OSBP2: variants seen among roughly 807,000 people sequenced by gnomAD.
OSBP2 encodes oxysterol-binding protein 2.
A neutral mutation model predicts 96.0 loss-of-function variants in OSBP2; 66 were observed. The observed-to-expected ratio is 0.69, with a 90% CI of 0.56 to 0.84. The LOEUF (loss-of-function observed/expected upper bound fraction) is 0.84. Among genes scored for constraint, OSBP2 ranks in the 40% least tolerant of loss-of-function variants. The pLI, the probability that OSBP2 is intolerant of heterozygous loss-of-function variation, is 0.00. For missense variants in OSBP2, 1,038 were observed against 1,222.7 expected (o/e 0.85, Z 2.25); for synonymous variants, 525 against 520.9 (o/e 1.01, Z -0.11).
chr22:30,749,153 A>G (rs952336767), intron 2 of OSBP2, among the ~76,000 whole-genome samples: 6 of 152,030 alleles, frequency 3.9e-5, no homozygotes, highest in Admixed American at 1.3e-4. Flanking sequence ...TGTATTTATT[A>G]CAAAGGCTGG....
chr22:30,730,808 A>ATATATATATATATATAT (rs1491303061), intron 1 of OSBP2, among the ~76,000 whole-genome samples: 3 of 39,332 alleles, frequency 7.6e-5, no homozygotes, highest in Non-Finnish European at 8.7e-5. Flanking sequence ...ATATATATAT[A>ATATATATATATATATAT]ATTTTTTTTT....
intron 2 of OSBP2, among the ~76,000 whole-genome samples, chr22:30,860,568 G>C (rs900311740): frequency 1.3e-5 from 2 of 152,212 alleles, no homozygotes; most frequent in Non-Finnish European, 2.9e-5. Flanking sequence ...CATGGGGTCT[G>C]TCCTTCATGC....
At chr22:30,902,126 G>GAAAAAAAAAAAAAAAAAAAAAAAAAACAA (rs35391426) in intron 12 of OSBP2, 1 of 115,888 alleles carries the variant, frequency 8.6e-6, no homozygotes, top group Non-Finnish European at 1.4e-5. Flanking sequence ...AAAAAAAAAC[G>GAAAAAAAAAAAAAAAAAAAAAAAAAACAA]AAAAAAAAAA....
chr22:30,849,370 G>A (rs1200991727), intron 2 of OSBP2, among the ~76,000 whole-genome samples: 1 of 152,140 alleles, frequency 6.6e-6, no homozygotes, highest in African/African-American at 2.4e-5. Context: ...CACCAGCAAG[G>A]TATGAGAATT....
At chr22:30,849,103 C>T (rs1374765211) in intron 2 of OSBP2, among the ~76,000 whole-genome samples, 1 of 150,196 alleles carries the variant, frequency 6.7e-6, no homozygotes, top group African/African-American at 2.4e-5. Flanking sequence ...CCCATCTCTA[C>T]AAAAAAATTT....
chr22:30,865,245 A>C (rs2039309691), intron 2 of OSBP2, among the ~76,000 whole-genome samples: 1 of 152,016 alleles, frequency 6.6e-6, no homozygotes, highest in African/African-American at 2.4e-5. Flanking sequence ...GGTCAAGGAG[A>C]TCCCTGAGTG....
At chr22:30,735,011 T>C (rs995123368) in intron 1 of OSBP2, among the ~76,000 whole-genome samples, 2 of 152,096 alleles carry the variant, frequency 1.3e-5, no homozygotes, top group African/African-American at 2.4e-5. Flanking sequence ...GGCAACATAG[T>C]GAGACCTTGT....
At chr22:30,761,318 T>C (rs2090202115) in intron 2 of OSBP2, among the ~76,000 whole-genome samples, 1 of 152,172 alleles carries the variant, frequency 6.6e-6, no homozygotes, top group Admixed American at 6.6e-5. Context: ...CAATGAACAA[T>C]TGGTAACAAA....
chr22:30,887,591 G>A lies in OSBP2; in HGVS notation c.1273G>A (p.Ala425Thr), dbSNP rs2147149539. Reference protein sequence around the residue: ...RAFHSAPGRPANPSKSFIEGS... With the variant: ...RAFHSAPGRPTNPSKSFIEGS... ...CTTCCACAGTGCCCCTGGCCGGCCG[G>A]CCAACCCCTCCAAGAGCTTCATTGA... The change falls in exon 4 of 14, where the codon GCC becomes ACC. Residue 425 changes from alanine to threonine, a missense_variant. Transcript: ENST00000332585. 1.9e-6 allele frequency: 3 copies of A among 1,607,878 alleles called. No homozygotes were observed. The highest frequency in any genetic ancestry group is 2.2e-5 in the East Asian group (1 of 44,560).
intron 2 of OSBP2, among the ~76,000 whole-genome samples, chr22:30,787,388 C>T (rs751261812): frequency 3.0e-4 from 45 of 151,220 alleles, no homozygotes; most frequent in Non-Finnish European, 6.2e-4. Flanking sequence ...ATAGAATGGT[C>T]GGGGCCGGAT....
chr22:30,822,170 C>T (rs1344686554), intron 2 of OSBP2, among the ~76,000 whole-genome samples: 1 of 152,270 alleles, frequency 6.6e-6, no homozygotes, highest in Non-Finnish European at 1.5e-5. Flanking sequence ...ACCGTCAGGC[C>T]CCTGGCCATC....
chr22:30,897,246 T>G (rs1217523940), intron 12 of OSBP2, among the ~76,000 whole-genome samples: 1 of 152,222 alleles, frequency 6.6e-6, no homozygotes, highest in Non-Finnish European at 1.5e-5. Flanking sequence ...AGGAAGAAAT[T>G]GATAAATCCA....
chr22:30,892,076 C>T lies in OSBP2; in HGVS notation c.1870-1046C>T, dbSNP rs557584624. ...GACCTGCCAGAGGAACCCTCCACTGCGATGGAGGGAGTGGCCCACAGGGAA... is the reference window on the plus strand; with the variant it reads ...GACCTGCCAGAGGAACCCTCCACTGTGATGGAGGGAGTGGCCCACAGGGAA... On this transcript the variant is annotated intron_variant, in intron 8 of 13. Coordinates refer to ENST00000332585, the MANE Select transcript of OSBP2 (RefSeq NM_030758.4). Among the ~76,000 whole-genome samples the T allele has an allele frequency of 5.9e-5, 9 of 152,062 alleles. No individual in the cohort carries two copies. The South Asian group carries it at 1.7e-3, about 28-fold the overall frequency.
In OSBP2 at chr22:30,907,351, T is replaced by A. The variant is rs1038437538; in HGVS notation, c.*1012T>A. On this transcript the variant is annotated 3_prime_UTR_variant, in exon 14 of 14. Coordinates refer to ENST00000332585, the MANE Select transcript of OSBP2 (RefSeq NM_030758.4). ...TATATATGAGATATATAAATATATA[T>A]AAAATAGCTATTTTGCTTAAATTTC... 1 of 151,066 alleles carries A rather than the reference T, an allele frequency of 6.6e-6. No individual in the cohort carries two copies. The highest frequency in any genetic ancestry group is 2.4e-5 in the African/African-American group (1 of 41,194). The allele number at this position is 151,066 out of a possible 1,614,324, so 9.4% of individuals were successfully genotyped here.
intron 1 of OSBP2, 28 bp downstream of exon 1, chr22:30,695,581 G>A: frequency 1.3e-6 from 2 of 1,580,442 alleles, no homozygotes; most frequent in Middle Eastern, 1.7e-4. Context: ...TGGGACATGG[G>A]GGTTGGAGGG....
chr22:30,741,702 C>T (rs193274687), intron 2 of OSBP2, among the ~76,000 whole-genome samples: 7 of 152,266 alleles, frequency 4.6e-5, no homozygotes, highest in African/African-American at 1.4e-4. Context: ...TCAAGCCAGC[C>T]GTTTCCCCAG....
At chr22:30,764,472 CGTT>C (rs1555911111) in intron 2 of OSBP2, 1 of 888,598 alleles carries the variant, frequency 1.1e-6, no homozygotes, top group Non-Finnish European at 1.3e-6. Flanking sequence ...GGGAGTGTGG[CGTT>C]GTTCTGGCTC....
At chr22:30,865,425 G>C (rs1282718925) in intron 2 of OSBP2, among the ~76,000 whole-genome samples, 2 of 152,114 alleles carry the variant, frequency 1.3e-5, no homozygotes, top group Admixed American at 1.3e-4. Flanking sequence ...AGGAGTTTGA[G>C]ACCAGCCTGG....
chr22:30,736,458 A>G (rs1186277274), intron 1 of OSBP2, among the ~76,000 whole-genome samples: 2 of 152,192 alleles, frequency 1.3e-5, no homozygotes, highest in African/African-American at 4.8e-5. Flanking sequence ...CCCTTGAGTG[A>G]CATTGGGAAT....
Sources: allele counts gnomAD v4.1 joint callset (sites outside exome capture counted in the v4.1 genomes callset), GRCh38; gene constraint gnomAD v4.1.1; transcripts MANE v1.5; gene names NCBI Gene and HGNC (gene_info 2026-07-23, HGNC 2026-07-21).